The following ANK1 variants were observed in gnomAD, a reference collection of about 807,000 sequenced individuals.
ANK1 encodes ankyrin-1.
ANK1 carries 51 observed loss-of-function variants against 210.4 expected under a neutral mutation model. The ratio of observed to expected loss-of-function variants is 0.24; its 90% confidence interval spans 0.19 to 0.31. ANK1 has a LOEUF of 0.31. Among genes scored for constraint, ANK1 ranks in the 10% least tolerant of loss-of-function variants. ANK1 has a pLI of 1.00. For synonymous variants in ANK1, 967 were observed against 1,025.9 expected (o/e 0.94, Z 1.10); for missense variants, 2,051 against 2,504.4 (o/e 0.82, Z 3.86).
At chr8:41,764,804 A>G (rs1841381978) in intron 1 of ANK1, among the ~76,000 whole-genome samples, 1 of 152,212 alleles carries the variant, frequency 6.6e-6, no homozygotes, top group Non-Finnish European at 1.5e-5. Context: ...CTTCCTTTCA[A>G]AACAAAACAA....
chr8:41,888,572 G>T (rs941182856), intron 1 of ANK1, among the ~76,000 whole-genome samples: 1 of 152,188 alleles, frequency 6.6e-6, no homozygotes, highest in Non-Finnish European at 1.5e-5. Context: ...AAAGCTAAAG[G>T]CCCAGATAAC....
At chr8:41,659,462 A>C (rs1329267870) in intron 42 of ANK1, among the ~76,000 whole-genome samples, 1 of 152,206 alleles carries the variant, frequency 6.6e-6, no homozygotes. Context: ...GGCTACAGAT[A>C]AATGTTAGCG....
chr8:41,679,213 C>A (rs1479323456), intron 37 of ANK1, among the ~76,000 whole-genome samples: 2 of 152,222 alleles, frequency 1.3e-5, no homozygotes, highest in Non-Finnish European at 2.9e-5. Flanking sequence ...GGATGCTGGA[C>A]ATTGCGAATT....
At chr8:41,725,995 G>A (rs749192396) in intron 5 of ANK1, 49 bp from the exon 6 acceptor site, 4 of 1,590,202 alleles carry the variant, frequency 2.5e-6, no homozygotes, top group African/African-American at 2.7e-5. Flanking sequence ...GACGCCAGCC[G>A]CCCTTCACAC....
chr8:41,862,037 C>T (rs948423787), intron 1 of ANK1, among the ~76,000 whole-genome samples: 7 of 152,154 alleles, frequency 4.6e-5, no homozygotes, highest in Non-Finnish European at 8.8e-5. Flanking sequence ...CCTGCTCAGA[C>T]GGGGTGAATC....
intron 1 of ANK1, among the ~76,000 whole-genome samples, chr8:41,823,731 T>A: frequency 6.6e-6 from 1 of 152,012 alleles, no homozygotes; most frequent in South Asian, 2.1e-4. Context: ...GCCACTGTAT[T>A]CCAGCCTGGG....
At chr8:41,678,707 T>C (rs1814991248) in intron 37 of ANK1, among the ~76,000 whole-genome samples, 1 of 152,260 alleles carries the variant, frequency 6.6e-6, no homozygotes, top group Admixed American at 6.5e-5. Flanking sequence ...ATATCTTCCA[T>C]GTCTCTACTT....
At chr8:41,791,858 G>T (rs867731953) in intron 1 of ANK1, among the ~76,000 whole-genome samples, 15 of 152,202 alleles carry the variant, frequency 9.9e-5, no homozygotes, top group South Asian at 2.1e-4. Context: ...ACCATGGGGG[G>T]CCCAGAGCTT....
At chr8:41,861,277 C>G (rs1473010257) in intron 1 of ANK1, among the ~76,000 whole-genome samples, 2 of 152,186 alleles carry the variant, frequency 1.3e-5, no homozygotes, top group Non-Finnish European at 2.9e-5. Context: ...TGGGCACACT[C>G]CTGGAGAGTA....
intron 1 of ANK1, among the ~76,000 whole-genome samples, chr8:41,893,624 G>A (rs901139375): frequency 2.0e-5 from 3 of 152,214 alleles, no homozygotes; most frequent in Admixed American, 1.3e-4. Flanking sequence ...GTCAGTCCCT[G>A]GTAAGTAGGT....
intron 16 of ANK1, among the ~76,000 whole-genome samples, chr8:41,709,371 C>G (rs1376338954): frequency 6.6e-6 from 1 of 152,248 alleles, no homozygotes; most frequent in African/African-American, 2.4e-5. Flanking sequence ...CCCAGTGCAA[C>G]TGGGCCAAGT....
chr8:41,843,145 G>A (rs1809324237), intron 1 of ANK1, among the ~76,000 whole-genome samples: 1 of 152,172 alleles, frequency 6.6e-6, no homozygotes, highest in South Asian at 2.1e-4. Context: ...ACCGCGCCCA[G>A]CCAATGTTCA....
chr8:41,745,840 G>A (rs1401994345), intron 2 of ANK1, among the ~76,000 whole-genome samples: 1 of 152,176 alleles, frequency 6.6e-6, no homozygotes, highest in Non-Finnish European at 1.5e-5. Context: ...TGGGACTACA[G>A]GTGCAGGGCC....
At chr8:41,753,450 C>T (rs921170507) in intron 2 of ANK1, among the ~76,000 whole-genome samples, 4 of 152,082 alleles carry the variant, frequency 2.6e-5, no homozygotes, top group Middle Eastern at 3.4e-3. Flanking sequence ...TCAGCAACTA[C>T]GGGGTTAACA....
intron 3 of ANK1, among the ~76,000 whole-genome samples, chr8:41,728,909 T>G (rs1831412948): frequency 6.6e-6 from 1 of 152,172 alleles, no homozygotes; most frequent in Non-Finnish European, 1.5e-5. Context: ...GCAGCTCCGC[T>G]CAGCCTGCAA....
At chr8:41,848,200 A>AAATG (rs977952604) in intron 1 of ANK1, among the ~76,000 whole-genome samples, 1 of 149,144 alleles carries the variant, frequency 6.7e-6, no homozygotes, top group Non-Finnish European at 1.5e-5. Flanking sequence ...ATAAATAAAT[A>AAATG]AATAAATAAA....
At chr8:41,880,724 AT>A (rs1290647495) in intron 1 of ANK1, among the ~76,000 whole-genome samples, 1 of 152,230 alleles carries the variant, frequency 6.6e-6, no homozygotes, top group East Asian at 1.9e-4. Flanking sequence ...TCCAGGACAC[AT>A]TTCCTTGCAC....
intron 1 of ANK1, among the ~76,000 whole-genome samples, chr8:41,854,256 T>C (rs939695559): frequency 3.3e-5 from 5 of 152,030 alleles, no homozygotes; most frequent in Non-Finnish European, 7.4e-5. Context: ...AACGAGGAAA[T>C]GGGAAGGAGA....
At chr8:41,857,235 T>C (rs1476736766) in intron 1 of ANK1, among the ~76,000 whole-genome samples, 4 of 150,672 alleles carry the variant, frequency 2.7e-5, no homozygotes, top group African/African-American at 9.8e-5. Context: ...AATTCTCTAC[T>C]CTAAAGTACT....
Sources: gnomAD v4.1 joint callset for allele counts (sites outside exome capture counted in the v4.1 genomes callset) on GRCh38, gnomAD v4.1.1 for gene constraint, MANE v1.5 for transcripts, NCBI Gene and HGNC (gene_info 2026-07-23, HGNC 2026-07-21) for gene names.